Variants in TMTC1 observed in about 807,000 individuals in gnomAD.
TMTC1 encodes the protein transmembrane O-mannosyltransferase targeting cadherins 1, also known as protein O-mannosyl-transferase TMTC1.
A neutral mutation model predicts 104.8 loss-of-function variants in TMTC1; 73 were observed. That is an observed-to-expected ratio of 0.70 (90% CI 0.58 to 0.85). The LOEUF (loss-of-function observed/expected upper bound fraction) is 0.85, where lower values mean the gene tolerates loss of function less well. TMTC1 is among the 40% of genes least tolerant of loss of function. TMTC1 has a pLI of 0.00. For synonymous variants in TMTC1, 434 were observed against 428.7 expected, an observed-to-expected ratio of 1.01 and a Z score of -0.15; for missense variants, 1,035 against 1,096.1, an observed-to-expected ratio of 0.94 and a Z score of 0.79.
chr12:29,706,850 G>A (rs569872257), intron 5 of TMTC1, among the ~76,000 whole-genome samples: 5 of 152,098 alleles, frequency 3.3e-5, no homozygotes, highest in Non-Finnish European at 7.3e-5. Flanking sequence ...GGATTTGGTT[G>A]GGGGCAGCGG....
intron 5 of TMTC1, among the ~76,000 whole-genome samples, chr12:29,653,228 C>A (rs1939605290): frequency 6.6e-6 from 1 of 151,806 alleles, no homozygotes; most frequent in Non-Finnish European, 1.5e-5. Context: ...ACATGGAGGA[C>A]CTGAGGAGAG....
rs1187015309 is a variant in TMTC1 at position 29,501,275 on chromosome 12, A to C, written c.*5571T>G. ...CTCTGCCATGTTCAAGCACTTGGGC[A>C]ATTCAGTCACTTTTAGGGTTGTATC... is the stretch of plus-strand genomic sequence containing the variant. On this transcript the variant is annotated 3_prime_UTR_variant, in exon 18 of 18. Transcript: ENST00000539277. 1 of 152,250 alleles carries C rather than the reference A, an allele frequency of 6.6e-6. No individual in the cohort carries two copies. The highest frequency in any genetic ancestry group is 2.4e-5 in the African/African-American group (1 of 41,468). The allele number at this position is 152,250 out of a possible 1,614,324, so 9.4% of individuals were successfully genotyped here.
intron 8 of TMTC1, among the ~76,000 whole-genome samples, chr12:29,579,823 T>C (rs575791569): frequency 2.6e-5 from 4 of 152,342 alleles, no homozygotes; most frequent in African/African-American, 9.6e-5. Context: ...GCTATGATCA[T>C]AAATCTCTCT....
intron 5 of TMTC1, among the ~76,000 whole-genome samples, chr12:29,697,994 G>C (rs1177104489): frequency 6.6e-6 from 1 of 152,166 alleles, no homozygotes; most frequent in African/African-American, 2.4e-5. Context: ...CCCCAAAATA[G>C]AGTACTCTTG....
intron 7 of TMTC1, among the ~76,000 whole-genome samples, chr12:29,586,565 G>C (rs549424874): frequency 6.6e-6 from 1 of 152,016 alleles, no homozygotes; most frequent in Non-Finnish European, 1.5e-5. Flanking sequence ...TGATATTGGC[G>C]TGGGTTTGTC....
intron 4 of TMTC1, among the ~76,000 whole-genome samples, chr12:29,752,128 A>AACACACACACACACAC (rs146261837): frequency 6.7e-6 from 1 of 150,196 alleles, no homozygotes; most frequent in East Asian, 2.0e-4. Flanking sequence ...GATGGCCACC[A>AACACACACACACACAC]ACACACACAC....
intron 5 of TMTC1, among the ~76,000 whole-genome samples, chr12:29,649,771 A>T (rs1021567156): frequency 2.6e-5 from 4 of 152,202 alleles, no homozygotes; most frequent in African/African-American, 9.7e-5. Context: ...GTGTGCAATT[A>T]ATAATTACAG....
chr12:29,758,770 C>G lies in TMTC1; in HGVS notation c.488G>C (p.Gly163Ala). Residue 163 changes from glycine to alanine, a missense_variant, in exon 3 of 18, where the codon GGG (glycine) becomes GCG (alanine). Physicochemically the swap from Gly to Ala is moderately conservative, Grantham distance 60 (BLOSUM62 0). Coordinates refer to ENST00000539277, the MANE Select transcript of TMTC1 (RefSeq NM_001193451.2). ...VHPIHTEAVA[G>A]IVGRADVLAC... ...TAACACGTCCGCTCTGCCAACGATCCCAGCCACCTTGGAAGTTAAAATAAT... is the reference window on the plus strand; with the variant it reads ...TAACACGTCCGCTCTGCCAACGATCGCAGCCACCTTGGAAGTTAAAATAAT... 6.2e-7 allele frequency: 1 copy of G among 1,603,518 alleles called. No individual in the cohort carries two copies. The highest frequency in any genetic ancestry group is 8.5e-7 in the Non-Finnish European group (1 of 1,176,142).
rs182743957 is a variant in TMTC1, at chr12:29,673,999, T to C, written c.939-40663A>G. 6.8e-3 allele frequency among the ~76,000 whole-genome samples: 1,033 copies of C among 152,088 alleles called. 3 individuals are homozygous for C. Among genetic ancestry groups the C allele is most frequent in the Non-Finnish European group, 0.011 (752 of 67,976 alleles). Reference sequence around the variant, plus strand: ...GTCTCGAACTCCCAATCTCAGGTGATCTGCCAGCCTCGGCCTCCCAAAGTG... The same window carrying C: ...GTCTCGAACTCCCAATCTCAGGTGACCTGCCAGCCTCGGCCTCCCAAAGTG... On this transcript the variant is annotated intron_variant, in intron 5 of 17. Coordinates refer to ENST00000539277, the MANE Select transcript of TMTC1 (RefSeq NM_001193451.2).
chr12:29,709,737 C>T (rs1190070916), intron 5 of TMTC1, among the ~76,000 whole-genome samples: 8 of 152,152 alleles, frequency 5.3e-5, no homozygotes, highest in Non-Finnish European at 1.0e-4. Flanking sequence ...TCTAGATATG[C>T]CTCTGCTTTC....
At chr12:29,560,976 T>C (rs1047673587) in intron 9 of TMTC1, among the ~76,000 whole-genome samples, 8 of 152,278 alleles carry the variant, frequency 5.3e-5, no homozygotes, top group African/African-American at 1.4e-4. Flanking sequence ...GTCTCAGACA[T>C]TGTCTCATTT....
At chr12:29,725,011 G>GTTTTTGTTTTTT (rs879602127) in intron 5 of TMTC1, among the ~76,000 whole-genome samples, 1 of 115,728 alleles carries the variant, frequency 8.6e-6, no homozygotes, top group East Asian at 2.7e-4. Context: ...TATCTGCCAA[G>GTTTTTGTTTTTT]TTCTTTTTTT....
chr12:29,597,372 G>T (rs1204493411), intron 7 of TMTC1, among the ~76,000 whole-genome samples: 2 of 151,378 alleles, frequency 1.3e-5, no homozygotes, highest in Admixed American at 6.6e-5. Context: ...ACCATGCCTG[G>T]CCAGTCCATG....
Position 29,751,792 on chromosome 12 carries a change from C to G in TMTC1, c.812G>C (p.Arg271Pro). The G allele has an allele frequency of 6.2e-7, 1 of 1,613,322 alleles. No homozygotes were observed. The highest frequency in any genetic ancestry group is 8.5e-7 in the Non-Finnish European group (1 of 1,179,696). The change falls in exon 5 of 18, where the codon CGG becomes CCG. Residue 271 changes from arginine (R) to proline (P), a missense_variant. Physicochemically the swap from Arg to Pro is moderately radical, Grantham distance 103. Coordinates refer to ENST00000539277, the MANE Select transcript of TMTC1 (RefSeq NM_001193451.2). ...QPSSLPGHPH[R>P]ENGKQQRFPH... ...GAACCGCTGCTGCTTCCCATTCTCC[C>G]GGTGAGGATGGCCTGGCAGTGAGGA...
intron 8 of TMTC1, among the ~76,000 whole-genome samples, chr12:29,574,299 G>A (rs1270782066): frequency 6.6e-6 from 1 of 152,026 alleles, no homozygotes; most frequent in African/African-American, 2.4e-5. Flanking sequence ...ACTATAGACT[G>A]GCCTCCCTAC....
Position 29,717,509 on chromosome 12 carries a change from C to T in TMTC1, c.938+34157G>A, listed in dbSNP as rs769356415. ...GTGTTCCACTGAAAATGTAGCTTTCCTCCTAACTTAAAAAAAAGATCAGGT... is the reference window on the plus strand; with the variant it reads ...GTGTTCCACTGAAAATGTAGCTTTCTTCCTAACTTAAAAAAAAGATCAGGT... On this transcript the variant is annotated intron_variant, in intron 5 of 17. Coordinates refer to ENST00000539277, the MANE Select transcript of TMTC1 (RefSeq NM_001193451.2). Among the ~76,000 whole-genome samples, 9 of 152,262 alleles carry T rather than the reference C, an allele frequency of 5.9e-5. No homozygotes were observed. The East Asian group carries it at 1.5e-3, about 26-fold the overall frequency.
chr12:29,582,310 T>C (rs1022899075), intron 8 of TMTC1, among the ~76,000 whole-genome samples: 3 of 152,218 alleles, frequency 2.0e-5, no homozygotes, highest in African/African-American at 4.8e-5. Flanking sequence ...GGAACTTCCC[T>C]CTTGCCTCAC....
chr12:29,615,470 G>C (rs2136441006), intron 6 of TMTC1, among the ~76,000 whole-genome samples: 1 of 152,148 alleles, frequency 6.6e-6, no homozygotes, highest in African/African-American at 2.4e-5. Flanking sequence ...CCAGTTAAAA[G>C]AAAAAAATAC....
intron 5 of TMTC1, among the ~76,000 whole-genome samples, chr12:29,733,260 C>T (rs951617675): frequency 3.3e-5 from 5 of 152,166 alleles, no homozygotes; most frequent in African/African-American, 1.2e-4. Context: ...CTTGCTGAGT[C>T]ACAGATGGTG....
Sources: allele counts gnomAD v4.1 joint callset (sites outside exome capture counted in the v4.1 genomes callset), GRCh38; gene constraint gnomAD v4.1.1; transcripts MANE v1.5; gene names NCBI Gene and HGNC (gene_info 2026-07-23, HGNC 2026-07-21).